SCN1A: variants seen among roughly 807,000 people sequenced by gnomAD.
The protein encoded by SCN1A is sodium channel protein type 1 subunit alpha.
In SCN1A, 13 loss-of-function variants were observed where a neutral mutation model predicts 193.7. That is an observed-to-expected ratio of 0.07 (90% CI 0.04 to 0.11). The LOEUF is 0.11. Ranked by LOEUF, SCN1A falls within the 10% of genes least tolerant of loss-of-function variation. The pLI, the probability that SCN1A is intolerant of heterozygous loss-of-function variation, is 1.00. For synonymous variants in SCN1A, 781 were observed against 843.6 expected (o/e 0.93, Z 1.29); for missense variants, 1,432 against 2,451.1 (o/e 0.58, Z 8.78).
intron 2 of SCN1A, among the ~76,000 whole-genome samples, chr2:166,087,343 A>G (rs1686249471): frequency 6.6e-6 from 1 of 152,000 alleles, no homozygotes; most frequent in Non-Finnish European, 1.5e-5. Flanking sequence ...GTGCATGCCT[A>G]TAATCCCAGC....
At chr2:166,136,315 C>A (rs757909062) in intron 1 of SCN1A, among the ~76,000 whole-genome samples, 6 of 152,116 alleles carry the variant, frequency 3.9e-5, no homozygotes, top group Non-Finnish European at 5.9e-5. Flanking sequence ...TGCAACTAAG[C>A]AAACATAGAA....
chr2:165,991,799 C>T lies in SCN1A; in HGVS notation c.5476G>A (p.Glu1826Lys). The T allele has an allele frequency of 6.2e-7, 1 of 1,613,948 alleles. No individual in the cohort carries two copies. The highest frequency in any genetic ancestry group is 8.5e-7 in the Non-Finnish European group (1 of 1,179,944). The change falls in exon 29 of 29, where the codon GAA (glutamate) becomes AAA (lysine). Residue 1826 changes from glutamate (E) to lysine (K), a missense_variant. Physicochemically the swap from Glu to Lys is moderately conservative, Grantham distance 56 (BLOSUM62 1). Transcript: ENST00000674923. Reference protein sequence around the residue: ...DPDATQFMEFEKLSQFAAALE... With the variant: ...DPDATQFMEFKKLSQFAAALE... ...GCAGCTGCAAACTGAGATAATTTTT[C>T]AAATTCCATGAACTGAGTTGCATCG...
At chr2:166,104,500 T>A (rs1191042993) in intron 2 of SCN1A, among the ~76,000 whole-genome samples, 1 of 152,194 alleles carries the variant, frequency 6.6e-6, no homozygotes, top group Non-Finnish European at 1.5e-5. Context: ...CCCATCACTT[T>A]GGAAGGCTGA....
intron 9 of SCN1A, among the ~76,000 whole-genome samples, chr2:166,050,834 A>G (rs1427652): frequency 0.67 from 100,105 of 149,940 alleles, 33,829 homozygotes; most frequent in East Asian, 0.89. Flanking sequence ...TCTTCTTTTT[A>G]ATGTAATACT....
chr2:166,093,019 G>A (rs187170615), intron 2 of SCN1A, among the ~76,000 whole-genome samples: 38 of 151,956 alleles, frequency 2.5e-4, no homozygotes, highest in Admixed American at 2.0e-3. Context: ...CGCTGATCAC[G>A]GGGCACTCAT....
At chr2:166,035,288 C>A (rs929529084) in intron 19 of SCN1A, among the ~76,000 whole-genome samples, 1 of 152,126 alleles carries the variant, frequency 6.6e-6, no homozygotes, top group East Asian at 1.9e-4. Context: ...AGGATTAAAT[C>A]TGATGATGTT....
intron 2 of SCN1A, among the ~76,000 whole-genome samples, chr2:166,109,009 G>T (rs1036976191): frequency 2.0e-5 from 3 of 152,070 alleles, no homozygotes; most frequent in East Asian, 1.9e-4. Flanking sequence ...AGAATGCCTT[G>T]ACAATTTTTT....
chr2:166,026,255 A>G (rs1406163477), intron 19 of SCN1A, among the ~76,000 whole-genome samples: 2 of 152,148 alleles, frequency 1.3e-5, no homozygotes, highest in Non-Finnish European at 2.9e-5. Flanking sequence ...ATTTTACCAT[A>G]GGCTAAAAAA....
chr2:166,019,112 CA>C (rs1693689064), intron 19 of SCN1A, among the ~76,000 whole-genome samples: 1 of 152,028 alleles, frequency 6.6e-6, no homozygotes, highest in African/African-American at 2.4e-5. Context: ...ACATTAATGG[CA>C]AAGCCAAAGA....
At chr2:166,061,244 C>CT (rs1031601279) in intron 4 of SCN1A, among the ~76,000 whole-genome samples, 2 of 152,016 alleles carry the variant, frequency 1.3e-5, no homozygotes, top group Non-Finnish European at 2.9e-5. Flanking sequence ...AAAAGACAGA[C>CT]AAGGAGTGGT....
At chr2:166,047,888 A>T in intron 10 of SCN1A, 120 bp from the exon 11 acceptor site, 1 of 1,342,642 alleles carries the variant, frequency 7.4e-7, no homozygotes, top group South Asian at 1.2e-5. Flanking sequence ...TTTGACAAAT[A>T]AGTAACTAAT....
At chr2:166,104,743 A>G (rs140388197) in intron 2 of SCN1A, among the ~76,000 whole-genome samples, 29 of 152,276 alleles carry the variant, frequency 1.9e-4, no homozygotes, top group Non-Finnish European at 3.2e-4. Context: ...TCTTGTCTCA[A>G]AAAAATAAAA....
At chr2:166,064,284 A>T (rs1683613739) in intron 4 of SCN1A, among the ~76,000 whole-genome samples, 1 of 152,146 alleles carries the variant, frequency 6.6e-6, no homozygotes, top group Non-Finnish European at 1.5e-5. Flanking sequence ...TCATAGAGGT[A>T]ATGTGATTCC....
At chr2:166,045,012 C>T in intron 13 of SCN1A, 31 bp downstream of exon 13, 1 of 1,611,422 alleles carries the variant, frequency 6.2e-7, no homozygotes, top group Non-Finnish European at 8.5e-7. Flanking sequence ...TAATTTTCAA[C>T]CATGCATCAG....
intron 19 of SCN1A, 123 bp downstream of exon 19, chr2:166,035,925 A>T: frequency 2.1e-6 from 2 of 943,984 alleles, no homozygotes; most frequent in Non-Finnish European, 3.0e-6. Context: ...CTTTTGTATT[A>T]TCATAAAGTA....
At chr2:166,087,265 G>C (rs1286431741) in intron 2 of SCN1A, among the ~76,000 whole-genome samples, 4 of 151,832 alleles carry the variant, frequency 2.6e-5, no homozygotes, top group Non-Finnish European at 5.9e-5. Context: ...TTGGGAGTTT[G>C]AGACCAGGCT....
chr2:166,138,312 AT>A (rs138043091), intron 1 of SCN1A, among the ~76,000 whole-genome samples: 4,087 of 152,328 alleles, frequency 0.027, 173 homozygotes, highest in African/African-American at 0.093. Context: ...TCTCCAGGGC[AT>A]TCAGAGGCCT....
chr2:166,034,931 G>T (rs1696134239), intron 19 of SCN1A, among the ~76,000 whole-genome samples: 1 of 152,172 alleles, frequency 6.6e-6, no homozygotes, highest in Admixed American at 6.6e-5. Flanking sequence ...CATTGATGCT[G>T]CTGGTATCTT....
At chr2:166,088,714 A>C (rs1686425043) in intron 2 of SCN1A, among the ~76,000 whole-genome samples, 1 of 152,188 alleles carries the variant, frequency 6.6e-6, no homozygotes, top group South Asian at 2.1e-4. Context: ...CCCGTGGGCT[A>C]GGTAGGGCAT....
Sources: gnomAD v4.1 joint callset for allele counts (sites outside exome capture counted in the v4.1 genomes callset) on GRCh38, gnomAD v4.1.1 for gene constraint, MANE v1.5 for transcripts, NCBI Gene and HGNC (gene_info 2026-07-23, HGNC 2026-07-21) for gene names.